Variants in TRIM66 observed in about 807,000 individuals in gnomAD.
TRIM66 encodes the protein tripartite motif containing 66.
TRIM66 carries 99 observed loss-of-function variants against 148.2 expected under a neutral mutation model. The ratio of observed to expected loss-of-function variants is 0.67; its 90% CI spans 0.57 to 0.79. The LOEUF is 0.79. Among genes scored for constraint, TRIM66 ranks in the 30% least tolerant of loss-of-function variants. The probability of loss-of-function intolerance (pLI) is 0.00; values close to 1 mark genes in which losing one functional copy is unlikely to be tolerated. For missense variants in TRIM66, 1,666 were observed against 1,697.9 expected (o/e 0.98, Z 0.33); for synonymous variants, 616 against 635.9 (o/e 0.97, Z 0.47).
intron 12 of TRIM66, 40 bp downstream of exon 12, chr11:8,645,701 G>A: frequency 6.5e-7 from 1 of 1,550,226 alleles, no homozygotes; most frequent in South Asian, 1.2e-5. Flanking sequence ...GCTCTGATAA[G>A]CTTCAAGGAC....
At chr11:8,624,576 G>C in intron 16 of TRIM66, 25 bp from the exon 17 acceptor site, 3 of 1,515,556 alleles carry the variant, frequency 2.0e-6, no homozygotes, top group Non-Finnish European at 2.7e-6. Flanking sequence ...ATGTCGACAA[G>C]AATCAAAGAA....
intron 9 of TRIM66, 96 bp from the exon 10 acceptor site, chr11:8,648,182 G>T: frequency 8.1e-7 from 1 of 1,238,844 alleles, no homozygotes; most frequent in Non-Finnish European, 1.1e-6. Context: ...GTCTCAGCCA[G>T]ACCCATGGAA....
rs1177238607 is a variant in TRIM66, at chr11:8,625,021, G to A, written c.2518C>T (p.Leu840=). The change falls in exon 16 of 25, where the codon CTG becomes TTG. Residue 840 remains leucine (L), a synonymous_variant. Coordinates refer to ENST00000646038, the MANE Select transcript of TRIM66 (RefSeq NM_001388022.1). ...TSVQNQAMPS[L]TTSHLQTVPS... is the part of the protein sequence containing the mutation. ...ACAGTCTGTAGGTGACTGGTTGTCA[G>A]GCTGGGCATGGCCTGGTTTTGAACA... 1.7e-5 allele frequency: 27 copies of A among 1,551,648 alleles called. No homozygotes were observed. Among genetic ancestry groups the A allele is most frequent in the Non-Finnish European group, 3.5e-6 (4 of 1,147,016 alleles).
In TRIM66 at chr11:8,617,779, G is replaced by T; in HGVS notation, c.*165C>A. 1 of 650,196 alleles carries T rather than the reference G, an allele frequency of 1.5e-6. No homozygotes were observed. The highest frequency in any genetic ancestry group is 2.7e-6 in the Non-Finnish European group (1 of 369,254). 40.3% of individuals were successfully genotyped at this position (650,196 alleles called of 1,614,324 possible). On this transcript the variant is annotated 3_prime_UTR_variant, in exon 25 of 25. Transcript: ENST00000646038. Reference sequence around the variant, plus strand: ...TCTTCTCTGTAGTGGATGTACTACGGCTCCCAAATAAATGCTGTAGATGCA... The same window carrying T: ...TCTTCTCTGTAGTGGATGTACTACGTCTCCCAAATAAATGCTGTAGATGCA...
intron 14 of TRIM66, 91 bp from the exon 15 acceptor site, chr11:8,638,906 A>G (rs2036132161): frequency 3.0e-6 from 4 of 1,343,770 alleles, no homozygotes; most frequent in South Asian, 1.4e-5. Flanking sequence ...TCACCCTGCC[A>G]TGTGCATCAT....
At chr11:8,655,545 T>C (rs2037750244) in intron 6 of TRIM66, among the ~76,000 whole-genome samples, 1 of 152,058 alleles carries the variant, frequency 6.6e-6, no homozygotes, top group Non-Finnish European at 1.5e-5. Context: ...CATTTTGGAA[T>C]GCCAAGGCAG....
chr11:8,664,067 G>T (rs981870770), intron 6 of TRIM66, among the ~76,000 whole-genome samples: 1 of 152,160 alleles, frequency 6.6e-6, no homozygotes, highest in African/African-American at 2.4e-5. Context: ...CCATTGTACA[G>T]CATGATAAGT....
At chr11:8,680,780 C>T (rs1253998449) in intron 1 of TRIM66, 1 of 152,196 alleles carries the variant, frequency 6.6e-6, no homozygotes, top group African/African-American at 2.4e-5. Flanking sequence ...AAGATAAGGA[C>T]AAGGACAGAA....
Position 8,617,950 on chromosome 11 carries a change from C to A in TRIM66, c.4173G>T (p.Gln1391His). Residue 1391 changes from glutamine to histidine, a missense_variant, in exon 25 of 25, where the codon CAG becomes CAT. Physicochemically the swap from Gln to His is conservative, Grantham distance 24. Around this residue, in one of 3 missense-constraint regions of TRIM66, gnomAD observed 204 missense variants for 231.0 expected, o/e 0.88. Coordinates refer to ENST00000646038, the MANE Select transcript of TRIM66 (RefSeq NM_001388022.1). ...CCCAGTCTCCTTTTGGCTCTCACAC[C>A]TGAGAGATGCTGTTGGCCAGGCGAA... ...MSFRLANSIS[Q>H]V 6.4e-7 allele frequency: 1 copy of A among 1,551,704 alleles called. No homozygotes were observed. Among genetic ancestry groups the A allele is most frequent in the Non-Finnish European group, 8.7e-7 (1 of 1,146,986 alleles).
In TRIM66 at chr11:8,639,901, C is replaced by G. The variant is rs180693095; in HGVS notation, c.2148+326G>C. Among the ~76,000 whole-genome samples the G allele has an allele frequency of 3.1e-4, 47 of 152,322 alleles. 1 individual carries two copies. On this transcript the variant is annotated intron_variant, in intron 14 of 24. Coordinates refer to ENST00000646038, the MANE Select transcript of TRIM66 (RefSeq NM_001388022.1). ...GATAAGAGACAGCCTCTCTTCTGCT[C>G]TGGCACTGGCAGGAGTTCAGCACAG...
At chr11:8,665,720 G>A (rs1032826768) in intron 6 of TRIM66, among the ~76,000 whole-genome samples, 2 of 152,180 alleles carry the variant, frequency 1.3e-5, no homozygotes, top group African/African-American at 2.4e-5. Context: ...CACTTTGGGA[G>A]GCCGAGGCGG....
chr11:8,658,252 G>A (rs1315680760), intron 6 of TRIM66, among the ~76,000 whole-genome samples: 1 of 152,150 alleles, frequency 6.6e-6, no homozygotes, highest in African/African-American at 2.4e-5. Context: ...GCAAGAGGGA[G>A]ACCTCAAAGA....
chr11:8,637,805 G>A (rs937893495), intron 15 of TRIM66, among the ~76,000 whole-genome samples: 1 of 152,266 alleles, frequency 6.6e-6, no homozygotes, highest in African/African-American at 2.4e-5. Context: ...CACCAGGCCA[G>A]AGAAGACAAT....
chr11:8,623,049 CCTT>C (rs1385227307), intron 17 of TRIM66, among the ~76,000 whole-genome samples, 173 bp from the exon 18 acceptor site: 2 of 152,240 alleles, frequency 1.3e-5, no homozygotes, highest in Non-Finnish European at 2.9e-5. Flanking sequence ...CCGTGGATCT[CCTT>C]CTTGAGAGGA....
At chr11:8,681,258 C>T (rs937940535) in intron 1 of TRIM66, among the ~76,000 whole-genome samples, 5 of 151,960 alleles carry the variant, frequency 3.3e-5, no homozygotes, top group South Asian at 2.1e-4. Context: ...CTCAGCCTCC[C>T]GAGTAGCTGG....
rs890232430 is a variant in TRIM66, at chr11:8,672,378, A to C, written c.-104T>G. ...CTGTGCCTCTCCTTATTGGTAGACA[A>C]GCTTGACCTAAGTTTCAATTTTGGA... On this transcript the variant is annotated 5_prime_UTR_variant, in exon 5 of 25. Transcript: ENST00000646038. 6.0e-6 allele frequency: 9 copies of C among 1,502,818 alleles called. No individual in the cohort carries two copies. Among genetic ancestry groups the C allele is most frequent in the Non-Finnish European group, 7.9e-6 (9 of 1,133,846 alleles). 93.1% of individuals were successfully genotyped at this position (1,502,818 alleles called of 1,614,324 possible).
At chr11:8,620,158 G>GT (rs2034069049) in intron 21 of TRIM66, 34 bp from the exon 22 acceptor site, 2 of 1,540,954 alleles carry the variant, frequency 1.3e-6, no homozygotes, top group Non-Finnish European at 1.8e-6. Context: ...GAGTCACTTT[G>GT]TTCTGGTCTC....
At chr11:8,670,837 G>A (rs962366990) in intron 6 of TRIM66, among the ~76,000 whole-genome samples, 2 of 152,174 alleles carry the variant, frequency 1.3e-5, no homozygotes, top group Non-Finnish European at 1.5e-5. Flanking sequence ...TGAGAGGCAA[G>A]GTAGCTTGCC....
intron 21 of TRIM66, 78 bp downstream of exon 21, chr11:8,620,368 T>C: frequency 6.5e-7 from 1 of 1,528,232 alleles, no homozygotes; most frequent in Non-Finnish European, 8.8e-7. Flanking sequence ...CCTCATCCCC[T>C]CTCAAAGGCC....
Sources: gnomAD v4.1 joint callset for allele counts (sites outside exome capture counted in the v4.1 genomes callset) on GRCh38, gnomAD v4.1.1 for gene constraint, gnomAD v4.1.1 regional missense constraint, MANE v1.5 for transcripts, NCBI Gene and HGNC (gene_info 2026-07-23, HGNC 2026-07-21) for gene names.